Variants in HECTD4 observed in about 807,000 individuals in gnomAD.
HECTD4 encodes the protein probable E3 ubiquitin-protein ligase HECTD4.
In HECTD4, 114 loss-of-function variants were observed where a neutral mutation model predicts 471.5. The ratio of observed to expected loss-of-function variants is 0.24; its 90% CI spans 0.21 to 0.28. The LOEUF (loss-of-function observed/expected upper bound fraction) is 0.28. Ranked by LOEUF, HECTD4 falls within the 10% of genes least tolerant of loss-of-function variation. The pLI, the probability that HECTD4 is intolerant of heterozygous loss-of-function variation, is 1.00. For missense variants in HECTD4, 3,866 were observed against 5,651.5 expected, an observed-to-expected ratio of 0.68 and a Z score of 10.13; for synonymous variants, 2,012 against 2,256.0, an observed-to-expected ratio of 0.89 and a Z score of 3.07.
chr12:112,172,964 T>C (rs936350486), intron 66 of HECTD4, 103 bp from the exon 67 acceptor site: 39 of 1,001,446 alleles, frequency 3.9e-5, no homozygotes, highest in Admixed American at 9.4e-5. Context: ...CTGGAGCACA[T>C]TCAGAAGACG....
Position 112,254,174 on chromosome 12 carries a change from A to AAAAT in HECTD4, c.3328-16_3328-13dup, listed in dbSNP as rs758351274. ...GCATATATCACCAACTTCAAAACAG[A>AAAAT]AAATATACTGTTAGACTGTAAAAGA... On this transcript the variant is annotated splice_polypyrimidine_tract_variant and intron_variant, in intron 21 of 75. Coordinates refer to ENST00000682272, the MANE Select transcript of HECTD4 (RefSeq NM_001388303.1). The AAAAT allele has an allele frequency of 1.2e-6, 2 of 1,613,730 alleles. No individual in the cohort carries two copies. The highest frequency in any genetic ancestry group is 8.5e-7 in the Non-Finnish European group (1 of 1,179,702).
chr12:112,344,048 C>T (rs57253991), intron 1 of HECTD4, among the ~76,000 whole-genome samples: 23,604 of 152,118 alleles, frequency 0.16, 2,451 homozygotes, highest in African/African-American at 0.3. Flanking sequence ...GCCTGGAGGA[C>T]GCCAACTATG....
intron 1 of HECTD4, among the ~76,000 whole-genome samples, chr12:112,355,741 G>C (rs558622819): frequency 2.0e-5 from 3 of 152,032 alleles, no homozygotes; most frequent in African/African-American, 7.3e-5. Flanking sequence ...TCCAGCCTGG[G>C]AGACAGCGAG....
rs958794152 is a variant in HECTD4, at chr12:112,177,106, C to T, written c.11364-404G>A. Among the ~76,000 whole-genome samples, 3 of 152,204 alleles carry T rather than the reference C, an allele frequency of 2.0e-5. No individual in the cohort carries two copies. The East Asian group carries it at 5.8e-4, about 29-fold the overall frequency. ...CCAGTTGTGGTTAGGGGCTGCTGTA[C>T]CCACCAGCACGGATATAGATACAGC... is the stretch of plus-strand genomic sequence containing the variant. On this transcript the variant is annotated intron_variant, in intron 64 of 75. Coordinates refer to ENST00000682272, the MANE Select transcript of HECTD4 (RefSeq NM_001388303.1).
rs567502458 is a variant in HECTD4 at position 112,359,747 on chromosome 12, C to G, written c.177+22205G>C. ...ATTTTTTTTTTTTAATAGACAAGAT[C>G]TCTGTCGTCAGGCTGAGTGCAGCAG... On this transcript the variant is annotated intron_variant, in intron 1 of 75. Transcript: ENST00000682272. Among the ~76,000 whole-genome samples, 429 of 151,868 alleles carry G rather than the reference C, an allele frequency of 2.8e-3. 5 individuals are homozygous for G. The highest frequency in any genetic ancestry group is 9.6e-3 in the African/African-American group (399 of 41,432).
intron 37 of HECTD4, among the ~76,000 whole-genome samples, chr12:112,234,552 G>A (rs1471025197): frequency 1.3e-5 from 2 of 152,126 alleles, no homozygotes; most frequent in Non-Finnish European, 2.9e-5. Context: ...CACTAACAAA[G>A]CCCTGCAGGT....
intron 1 of HECTD4, among the ~76,000 whole-genome samples, chr12:112,352,285 G>A (rs1361833372): frequency 7.3e-5 from 11 of 151,558 alleles, no homozygotes; most frequent in Admixed American, 7.2e-4. Flanking sequence ...AGACTAATGA[G>A]TTGGTCTCAT....
At chr12:112,321,713 A>C (rs2035586780) in intron 1 of HECTD4, 1 of 152,196 alleles carries the variant, frequency 6.6e-6, no homozygotes, top group Admixed American at 6.5e-5. Context: ...CAAACGCTGT[A>C]ATTGCCTTGC....
Position 112,266,934 on chromosome 12 carries a change from T to A in HECTD4, c.2370A>T (p.Leu790Phe). ...LYPGETEINN[L>F]LKLVLTEGER... ...TACCTTCTGTTAAGACCAGTTTAAG[T>A]AAGTTATTGATTTCAGTTTCACCTG... is the stretch of plus-strand genomic sequence containing the variant. Residue 790 changes from leucine (L) to phenylalanine (F), a missense_variant, in exon 14 of 76, where the codon TTA (leucine) becomes TTT (phenylalanine). Around this residue, in one of 16 missense-constraint regions of HECTD4, gnomAD observed 525 missense variants for 672.6 expected, o/e 0.78. Coordinates refer to ENST00000682272, the MANE Select transcript of HECTD4 (RefSeq NM_001388303.1). 6.6e-7 allele frequency: 1 copy of A among 1,525,838 alleles called. No homozygotes were observed. Among genetic ancestry groups the A allele is most frequent in the Non-Finnish European group, 8.9e-7 (1 of 1,121,490 alleles). The allele number at this position is 1,525,838 out of a possible 1,614,324, so 94.5% of individuals were successfully genotyped here.
At position 112,356,953 on chromosome 12, in the gene HECTD4, CA is replaced by C. The variant is rs2036351210; in HGVS notation, c.177+24998del. Among the ~76,000 whole-genome samples the C allele has an allele frequency of 2.0e-5, 3 of 152,278 alleles. No individual in the cohort carries two copies. The South Asian group carries it at 6.2e-4, about 32-fold the overall frequency. ...CTCTCTGTTTTTGTACTTATCTTGT[CA>C]TTACATTAACAGACAGTTCGTGGTA... On this transcript the variant is annotated intron_variant, in intron 1 of 75. Coordinates refer to ENST00000682272, the MANE Select transcript of HECTD4 (RefSeq NM_001388303.1).
At chr12:112,252,934 T>G (rs2033925005) in intron 22 of HECTD4, among the ~76,000 whole-genome samples, 1 of 151,980 alleles carries the variant, frequency 6.6e-6, no homozygotes, top group Non-Finnish European at 1.5e-5. Context: ...TTCAGCCTCC[T>G]GAATAGCTGG....
At chr12:112,327,345 T>A (rs1171196779) in intron 1 of HECTD4, among the ~76,000 whole-genome samples, 1 of 151,986 alleles carries the variant, frequency 6.6e-6, no homozygotes, top group East Asian at 1.9e-4. Context: ...AAGTGTTTAA[T>A]TAAATTATAA....
chr12:112,367,764 T>C (rs910807720), intron 1 of HECTD4, among the ~76,000 whole-genome samples: 6 of 130,666 alleles, frequency 4.6e-5, no homozygotes, highest in African/African-American at 9.0e-5. Flanking sequence ...GAGGTTGCAG[T>C]GAGCCAAGAT....
rs1010831503 is a variant in HECTD4 at position 112,193,996 on chromosome 12, A to G, written c.8750-322T>C. Among the ~76,000 whole-genome samples the G allele has an allele frequency of 2.6e-5, 4 of 152,184 alleles. No individual in the cohort carries two copies. Among genetic ancestry groups the G allele is most frequent in the Non-Finnish European group, 5.9e-5 (4 of 68,028 alleles). On this transcript the variant is annotated intron_variant, in intron 56 of 75. Transcript: ENST00000682272. This position sits in a 1 kb window ranked among gnomAD's most constrained non-coding sequence, Gnocchi z 5.2. ...TGGATCCAGGGGTTCCCAGAGCCTG[A>G]CCTGTCTGACTACTCTGGCCCACCC...
Position 112,163,393 on chromosome 12 carries a change from A to AGATGACAAT in HECTD4, c.12898-138_12898-130dup. 1 of 1,058,804 alleles carries AGATGACAAT rather than the reference A, an allele frequency of 9.4e-7. No homozygotes were observed. Among genetic ancestry groups the AGATGACAAT allele is most frequent in the Non-Finnish European group, 1.4e-6 (1 of 736,940 alleles). The allele number at this position is 1,058,804 out of a possible 1,614,324, so 65.6% of individuals were successfully genotyped here. On this transcript the variant is annotated intron_variant, in intron 74 of 75. Coordinates refer to ENST00000682272, the MANE Select transcript of HECTD4 (RefSeq NM_001388303.1). The surrounding 1 kb of genome is among the most constrained non-coding windows in gnomAD (Gnocchi z 8.2). ...CAACGTGTGGGCTGTGAGCACAGGG[A>AGATGACAAT]GATGACAATGATGACAATGATACAG... is the stretch of plus-strand genomic sequence containing the variant.
chr12:112,209,373 C>A (rs886439243), intron 50 of HECTD4, among the ~76,000 whole-genome samples: 3 of 149,680 alleles, frequency 2.0e-5, no homozygotes, highest in Non-Finnish European at 3.0e-5. Flanking sequence ...ATTGCCCAGG[C>A]TGGAGTGCAA....
chr12:112,372,359 A>G (rs2036694946), intron 1 of HECTD4, among the ~76,000 whole-genome samples: 1 of 152,062 alleles, frequency 6.6e-6, no homozygotes, highest in South Asian at 2.1e-4. Flanking sequence ...TCCTGGGTTC[A>G]CGCCGTTCTC....
intron 43 of HECTD4, among the ~76,000 whole-genome samples, chr12:112,227,297 T>C (rs572907136): frequency 2.6e-5 from 4 of 151,978 alleles, no homozygotes; most frequent in Non-Finnish European, 5.9e-5. Flanking sequence ...CCATCTCTAC[T>C]AAAAATATAA....
Position 112,193,646 on chromosome 12 carries a change from G to A in HECTD4, c.8778C>T (p.Leu2926=), listed in dbSNP as rs1010465679. The stretch of plus-strand genomic sequence containing the variant: ...TGCAATGCTGTAAAGACTGCGCCAG[G>A]AGGATCGAGCTGGAGCTGATGGTGC... ...PDGTISSSSI[L]LAQSLQHCIH... The change falls in exon 57 of 76, where the codon CTC becomes CTT. Residue 2926 remains leucine, a synonymous_variant. Transcript: ENST00000682272. This position sits in a 1 kb window ranked among gnomAD's most constrained non-coding sequence, Gnocchi z 5.2. 7 of 1,612,660 alleles carry A rather than the reference G, an allele frequency of 4.3e-6. No individual in the cohort carries two copies. Among genetic ancestry groups the A allele is most frequent in the Non-Finnish European group, 5.9e-6 (7 of 1,179,412 alleles).
Sources: allele counts gnomAD v4.1 joint callset (sites outside exome capture counted in the v4.1 genomes callset), GRCh38; gene constraint gnomAD v4.1.1; regional missense constraint gnomAD v4.1.1; non-coding constraint Gnocchi (gnomAD v3.1); transcripts MANE v1.5; gene names NCBI Gene and HGNC (gene_info 2026-07-23, HGNC 2026-07-21).